Variants in CAMK1D observed in about 807,000 individuals in gnomAD.
CAMK1D encodes calcium/calmodulin-dependent protein kinase type 1D.
In CAMK1D, 9 loss-of-function variants were observed where a neutral mutation model predicts 47.7. The observed-to-expected ratio is 0.19, with a 90% CI of 0.11 to 0.33. The LOEUF is 0.33. Among genes scored for constraint, CAMK1D ranks in the 10% least tolerant of loss-of-function variants. CAMK1D has a pLI of 1.00. For missense variants in CAMK1D, 291 were observed against 488.7 expected, an observed-to-expected ratio of 0.60 and a Z score of 3.81; for synonymous variants, 184 against 184.9, an observed-to-expected ratio of 0.99 and a Z score of 0.04.
At chr10:12,799,571 C>G (rs894116744) in intron 6 of CAMK1D, among the ~76,000 whole-genome samples, 1 of 152,182 alleles carries the variant, frequency 6.6e-6, no homozygotes, top group Non-Finnish European at 1.5e-5. Flanking sequence ...TGGTGCTAAT[C>G]GCCTCCAGGT....
intron 1 of CAMK1D, among the ~76,000 whole-genome samples, chr10:12,507,218 C>T (rs1834902893): frequency 6.6e-6 from 1 of 152,212 alleles, no homozygotes; most frequent in Admixed American, 6.5e-5. Context: ...CAAAATGTAT[C>T]TCACAAGCTA....
chr10:12,587,467 G>T (rs1421506832), intron 2 of CAMK1D, among the ~76,000 whole-genome samples: 2 of 151,878 alleles, frequency 1.3e-5, no homozygotes, highest in Admixed American at 1.3e-4. Context: ...GCTTCTGGAG[G>T]CTTGGCGGCA....
chr10:12,794,675 AC>A (rs924542737), intron 6 of CAMK1D, among the ~76,000 whole-genome samples: 4 of 151,740 alleles, frequency 2.6e-5, no homozygotes, highest in Non-Finnish European at 5.9e-5. Context: ...ATTTCATGAC[AC>A]TGTCAGACTT....
At chr10:12,790,073 C>G (rs896373324) in intron 5 of CAMK1D, among the ~76,000 whole-genome samples, 1 of 152,186 alleles carries the variant, frequency 6.6e-6, no homozygotes, top group Non-Finnish European at 1.5e-5. Context: ...AGAACAAGCC[C>G]CAAGGCCAGT....
At chr10:12,616,122 G>A (rs1416497334) in intron 2 of CAMK1D, among the ~76,000 whole-genome samples, 3 of 152,002 alleles carry the variant, frequency 2.0e-5, no homozygotes, top group Non-Finnish European at 2.9e-5. Context: ...ATGTGGGTGT[G>A]TATATGTAGG....
chr10:12,423,742 C>T (rs2131973046), intron 1 of CAMK1D, among the ~76,000 whole-genome samples: 1 of 152,312 alleles, frequency 6.6e-6, no homozygotes, highest in South Asian at 2.1e-4. Context: ...ATACAAGAAG[C>T]GTTTCCCCTC....
At chr10:12,472,232 GC>G (rs1426844958) in intron 1 of CAMK1D, among the ~76,000 whole-genome samples, 3 of 151,998 alleles carry the variant, frequency 2.0e-5, no homozygotes, top group African/African-American at 7.2e-5. Flanking sequence ...TTTCCCCCTT[GC>G]CTGTCTGTGT....
At position 12,614,668 on chromosome 10, in the gene CAMK1D, G is replaced by A. The variant is rs576334779; in HGVS notation, c.225-52068G>A. ...TTCTTTTTAAATTTTGACTAAGTCC[G>A]GGTTGAGAGGCCTTGATAAGCCCTT... On this transcript the variant is annotated intron_variant, in intron 2 of 10. Coordinates refer to ENST00000619168, the MANE Select transcript of CAMK1D (RefSeq NM_153498.4). Among the ~76,000 whole-genome samples, 153 of 152,100 alleles carry A rather than the reference G, an allele frequency of 1.0e-3. 3 individuals are homozygous for A. Among genetic ancestry groups the A allele is most frequent in the Non-Finnish European group, 4.4e-5 (3 of 68,012 alleles).
At chr10:12,769,647 A>G (rs766272472) in intron 4 of CAMK1D, 26 bp from the exon 5 acceptor site, 4 of 1,612,860 alleles carry the variant, frequency 2.5e-6, no homozygotes, top group African/African-American at 2.7e-5. Flanking sequence ...GTAGTTTGTA[A>G]TGTTTTTTTC....
At chr10:12,679,887 G>T (rs1840935108) in intron 3 of CAMK1D, among the ~76,000 whole-genome samples, 1 of 152,148 alleles carries the variant, frequency 6.6e-6, no homozygotes, top group African/African-American at 2.4e-5. Context: ...CTCCACCAGG[G>T]CTTTCCCTGT....
At chr10:12,385,302 G>A (rs1838459082) in intron 1 of CAMK1D, among the ~76,000 whole-genome samples, 1 of 152,188 alleles carries the variant, frequency 6.6e-6, no homozygotes, top group Non-Finnish European at 1.5e-5. Context: ...GTATATGAAT[G>A]TTCATGGCAG....
rs148306191 is a variant in CAMK1D, at chr10:12,358,370, C to G, written c.92+8460C>G. On this transcript the variant is annotated intron_variant, in intron 1 of 10. Coordinates refer to ENST00000619168, the MANE Select transcript of CAMK1D (RefSeq NM_153498.4). ...CCAACATGGTAAAACCCCGTCTCTA[C>G]TAAAAACACCAAAATTAGCCGGCAT... Among the ~76,000 whole-genome samples, 23 of 152,140 alleles carry G rather than the reference C, an allele frequency of 1.5e-4. 1 individual carries two copies. Among genetic ancestry groups the G allele is most frequent in the African/African-American group, 5.3e-4 (22 of 41,498 alleles).
intron 2 of CAMK1D, among the ~76,000 whole-genome samples, chr10:12,664,036 A>G (rs1157132536): frequency 6.6e-6 from 1 of 152,138 alleles, no homozygotes; most frequent in Non-Finnish European, 1.5e-5. Context: ...TGCTTATTCA[A>G]ACATTACTCA....
chr10:12,753,671 G>A (rs1454227432), intron 3 of CAMK1D, among the ~76,000 whole-genome samples: 4 of 152,260 alleles, frequency 2.6e-5, no homozygotes, highest in East Asian at 1.9e-4. Context: ...AGGGGCCATC[G>A]CTGAACGCAC....
rs140291563 is a variant in CAMK1D, at chr10:12,550,798, C to T, written c.93-2427C>T. On this transcript the variant is annotated intron_variant, in intron 1 of 10. Coordinates refer to ENST00000619168, the MANE Select transcript of CAMK1D (RefSeq NM_153498.4). ...TTGTGGAATGACTATGTTCTGCCCC[C>T]TGGGCTTGTATAATTAAAAATAGAC... 7.6e-3 allele frequency among the ~76,000 whole-genome samples: 1,153 copies of T among 152,294 alleles called. 15 individuals are homozygous for T. Among genetic ancestry groups the T allele is most frequent in the African/African-American group, 0.027 (1,113 of 41,546 alleles).
At chr10:12,424,663 G>A (rs1331440100) in intron 1 of CAMK1D, among the ~76,000 whole-genome samples, 1 of 152,114 alleles carries the variant, frequency 6.6e-6, no homozygotes, top group Non-Finnish European at 1.5e-5. Flanking sequence ...ACCCATCAGG[G>A]CTGGCTGTGG....
At chr10:12,506,719 C>T (rs1413064879) in intron 1 of CAMK1D, among the ~76,000 whole-genome samples, 3 of 152,078 alleles carry the variant, frequency 2.0e-5, no homozygotes, top group South Asian at 2.1e-4. Context: ...GGGGTTTCAC[C>T]GTGCTACCCG....
intron 1 of CAMK1D, among the ~76,000 whole-genome samples, chr10:12,497,266 C>G (rs984450046): frequency 4.6e-5 from 7 of 151,984 alleles, no homozygotes; most frequent in African/African-American, 1.7e-4. Flanking sequence ...ATCACGAGAT[C>G]AAGAAATTGA....
intron 6 of CAMK1D, among the ~76,000 whole-genome samples, chr10:12,795,719 T>C (rs1178774202): frequency 6.6e-6 from 1 of 152,180 alleles, no homozygotes; most frequent in Admixed American, 6.5e-5. Context: ...CCTTGATAAA[T>C]TGGCCCTCTT....
Sources: gnomAD v4.1 joint callset for allele counts (sites outside exome capture counted in the v4.1 genomes callset) on GRCh38, gnomAD v4.1.1 for gene constraint, MANE v1.5 for transcripts, NCBI Gene and HGNC (gene_info 2026-07-23, HGNC 2026-07-21) for gene names.